Variants in RAI1 observed in about 807,000 individuals in gnomAD.
The protein encoded by RAI1 is retinoic acid induced 1.
RAI1 carries 9 observed loss-of-function variants against 123.8 expected under a neutral mutation model. The ratio of observed to expected loss-of-function variants is 0.07; its 90% CI spans 0.04 to 0.13. The LOEUF is 0.13. Among genes scored for constraint, RAI1 ranks in the 10% least tolerant of loss-of-function variants. RAI1 has a pLI of 1.00. For synonymous variants in RAI1, 1,231 were observed against 1,127.3 expected, an observed-to-expected ratio of 1.09 and a Z score of -1.84; for missense variants, 2,256 against 2,545.8, an observed-to-expected ratio of 0.89 and a Z score of 2.45.
Position 17,803,856 on chromosome 17 carries a change from GC to G in RAI1, c.5659+10del. ...CCGTGTGCCAGCGATGCAGGTACGA[GC>G]CCGCCCAGGAACAGGAGGGCATTGG... On this transcript the variant is annotated splice_region_variant and intron_variant, in intron 4 of 5. Transcript: ENST00000353383. The G allele has an allele frequency of 6.2e-7, 1 of 1,612,436 alleles. No homozygotes were observed.
Position 17,797,937 on chromosome 17 carries a change from C to G in RAI1, c.4989C>G (p.Ser1663=). ...PGGSILQPRP[S]LPLSSTMHLG... ...GCTCCATCCTGCAGCCGCGGCCCTCCTTGCCCCTCTCCTCCACGATGCACT... is the reference window on the plus strand; with the variant it reads ...GCTCCATCCTGCAGCCGCGGCCCTCGTTGCCCCTCTCCTCCACGATGCACT... Residue 1663 remains serine (S), a synonymous_variant, in exon 3 of 6, where the codon TCC becomes TCG. Coordinates refer to ENST00000353383, the MANE Select transcript of RAI1 (RefSeq NM_030665.4). 6.2e-7 allele frequency: 1 copy of G among 1,614,064 alleles called. No homozygotes were observed. Among genetic ancestry groups the G allele is most frequent in the East Asian group, 2.2e-5 (1 of 44,858 alleles).
chr17:17,796,397 C>G lies in RAI1; in HGVS notation c.3449C>G (p.Thr1150Ser), dbSNP rs1168614284. The G allele has an allele frequency of 6.2e-7, 1 of 1,613,740 alleles. No individual in the cohort carries two copies. Among genetic ancestry groups the G allele is most frequent in the Non-Finnish European group, 8.5e-7 (1 of 1,180,026 alleles). Residue 1150 changes from threonine (T) to serine (S), a missense_variant, in exon 3 of 6, where the codon ACC becomes AGC. This residue lies in a region of RAI1 where 322 missense variants were observed against 358.0 expected (regional missense o/e 0.90). Coordinates refer to ENST00000353383, the MANE Select transcript of RAI1 (RefSeq NM_030665.4). The surrounding 1 kb of genome is among the most constrained non-coding windows in gnomAD (Gnocchi z 5.8). ...CGCTCCATGATCCTTCGGTCACGCA[C>G]CAAAACCCAGGAGATCTTCCACTCC... ...DQRSMILRSR[T>S]KTQEIFHSKR...
chr17:17,736,802 AT>A (rs1240383350), intron 2 of RAI1, among the ~76,000 whole-genome samples: 1 of 152,168 alleles, frequency 6.6e-6, no homozygotes, highest in Non-Finnish European at 1.5e-5. Context: ...GAGATGGAAC[AT>A]TTCTGGAAAT....
At chr17:17,760,230 A>C (rs917035605) in intron 2 of RAI1, among the ~76,000 whole-genome samples, 2 of 152,184 alleles carry the variant, frequency 1.3e-5, no homozygotes, top group African/African-American at 4.8e-5. Context: ...TGAGGGGCCA[A>C]CTTTACTGAT....
Position 17,739,963 on chromosome 17 carries a change from T to C in RAI1, c.-17+15804T>C, listed in dbSNP as rs1280081300. On this transcript the variant is annotated intron_variant, in intron 2 of 5. Transcript: ENST00000353383. ...CGCTGAGCTAACATGACTCACCGCGTGGCAGCTCCCTCTCCCCACTGGGAG... is the reference window on the plus strand; with the variant it reads ...CGCTGAGCTAACATGACTCACCGCGCGGCAGCTCCCTCTCCCCACTGGGAG... Among the ~76,000 whole-genome samples the C allele has an allele frequency of 2.0e-5, 3 of 152,334 alleles. No individual in the cohort carries two copies. The East Asian group carries it at 5.8e-4, about 29-fold the overall frequency.
At chr17:17,755,555 T>G (rs1351846620) in intron 2 of RAI1, among the ~76,000 whole-genome samples, 1 of 152,072 alleles carries the variant, frequency 6.6e-6, no homozygotes, top group Non-Finnish European at 1.5e-5. Flanking sequence ...AGAGAGCTCT[T>G]TGTTTGGGGG....
chr17:17,731,775 C>G (rs1033573843), intron 2 of RAI1, among the ~76,000 whole-genome samples: 1 of 152,160 alleles, frequency 6.6e-6, no homozygotes, highest in Non-Finnish European at 1.5e-5. Flanking sequence ...TCTCCCCAAC[C>G]TCTTGCCTAA....
chr17:17,738,205 G>T (rs1916500142), intron 2 of RAI1, among the ~76,000 whole-genome samples: 1 of 151,928 alleles, frequency 6.6e-6, no homozygotes, highest in Non-Finnish European at 1.5e-5. Flanking sequence ...ACAGAGGAAG[G>T]TGAGGGGGTT....
chr17:17,692,627 T>A (rs1914879658), intron 1 of RAI1, among the ~76,000 whole-genome samples: 1 of 152,210 alleles, frequency 6.6e-6, no homozygotes, highest in Non-Finnish European at 1.5e-5. Context: ...GGGAGCTAAT[T>A]CCTGGCTATG....
In RAI1 at chr17:17,794,129, C is replaced by T. The variant is rs1313167219; in HGVS notation, c.1181C>T (p.Pro394Leu). The change falls in exon 3 of 6, where the codon CCC (proline) becomes CTC (leucine). Residue 394 changes from proline to leucine, a missense_variant. Pro to Leu is a moderately conservative substitution (Grantham distance 98, BLOSUM62 -3). Around this residue, in one of 7 missense-constraint regions of RAI1, gnomAD observed 357 missense variants for 480.2 expected, o/e 0.74. Coordinates refer to ENST00000353383, the MANE Select transcript of RAI1 (RefSeq NM_030665.4). ...ATCACTGACCACAGCCACTTCATGC[C>T]CCTGCTCAATCCCTCCCCAACGGAT... ...AGITDHSHFM[P>L]LLNPSPTDAT... The T allele has an allele frequency of 2.5e-6, 4 of 1,613,974 alleles. No individual in the cohort carries two copies. Among genetic ancestry groups the T allele is most frequent in the African/African-American group, 1.3e-5 (1 of 74,914 alleles).
intron 1 of RAI1, among the ~76,000 whole-genome samples, chr17:17,695,963 T>TAAG (rs1376352939): frequency 6.6e-6 from 1 of 152,142 alleles, no homozygotes; most frequent in Admixed American, 6.5e-5. Context: ...CTCGCGCCTT[T>TAAG]CTCCCTCCTC....
intron 3 of RAI1, chr17:17,802,025 A>AC (rs757605575): frequency 1.7e-5 from 8 of 466,128 alleles, no homozygotes; most frequent in Admixed American, 4.7e-5. Context: ...TCTCTACCTC[A>AC]CCCCCCGCCC....
chr17:17,682,911 G>C (rs920166662), intron 1 of RAI1, among the ~76,000 whole-genome samples: 8 of 152,104 alleles, frequency 5.3e-5, no homozygotes, highest in African/African-American at 1.9e-4. Flanking sequence ...GCGCCGGTGG[G>C]GGCTGGGGGA....
At chr17:17,780,060 C>T (rs1050999243) in intron 2 of RAI1, among the ~76,000 whole-genome samples, 2 of 83,140 alleles carry the variant, frequency 2.4e-5, no homozygotes, top group East Asian at 4.1e-4. Context: ...CAGGAGTGAG[C>T]CACTCCACCC....
At chr17:17,727,113 C>T (rs984269222) in intron 2 of RAI1, among the ~76,000 whole-genome samples, 10 of 152,192 alleles carry the variant, frequency 6.6e-5, no homozygotes, top group African/African-American at 2.2e-4. Flanking sequence ...CTGCTGATGC[C>T]GAAGGCTCCG....
Position 17,797,674 on chromosome 17 carries a change from C to T in RAI1, c.4726C>T (p.Arg1576Cys), listed in dbSNP as rs199790171. ...CCTGGATCCCGCAGAGCCTGAAATCCGCCTCAAGTACATTTCCTCTTGCAA... is the reference window on the plus strand; with the variant it reads ...CCTGGATCCCGCAGAGCCTGAAATCTGCCTCAAGTACATTTCCTCTTGCAA... ...LPLDPAEPEI[R>C]LKYISSCKRL... The change falls in exon 3 of 6, where the codon CGC becomes TGC. Residue 1576 changes from arginine (R) to cysteine (C), a missense_variant. Arg to Cys is a radical substitution (Grantham distance 180). This residue lies in a region of RAI1 where 410 missense variants were observed against 374.6 expected (regional missense o/e 1.09). Transcript: ENST00000353383. The T allele has an allele frequency of 2.8e-5, 45 of 1,613,774 alleles. No homozygotes were observed. The highest frequency in any genetic ancestry group is 2.2e-4 in the East Asian group (10 of 44,872).
At chr17:17,739,069 G>A (rs1214833270) in intron 2 of RAI1, among the ~76,000 whole-genome samples, 1 of 152,202 alleles carries the variant, frequency 6.6e-6, no homozygotes, top group African/African-American at 2.4e-5. Context: ...GGGAAGACAA[G>A]TTGTATGACA....
At chr17:17,743,870 T>C (rs910411504) in intron 2 of RAI1, among the ~76,000 whole-genome samples, 1 of 152,208 alleles carries the variant, frequency 6.6e-6, no homozygotes, top group Non-Finnish European at 1.5e-5. Flanking sequence ...TTAGGCTGCA[T>C]GGAGCCCGGA....
intron 2 of RAI1, chr17:17,778,494 A>T (rs2031434720): frequency 2.9e-6 from 1 of 340,026 alleles, no homozygotes; most frequent in African/African-American, 2.1e-5. Flanking sequence ...AGGTTAAGTA[A>T]ACTGCCCAAG....
Sources: allele counts gnomAD v4.1 joint callset (sites outside exome capture counted in the v4.1 genomes callset), GRCh38; gene constraint gnomAD v4.1.1; regional missense constraint gnomAD v4.1.1; non-coding constraint Gnocchi (gnomAD v3.1); transcripts MANE v1.5; gene names NCBI Gene and HGNC (gene_info 2026-07-23, HGNC 2026-07-21).